The following SPIRE2 variants were observed in gnomAD, a reference collection of about 807,000 sequenced individuals.
SPIRE2 encodes protein spire homolog 2.
In SPIRE2, 76 loss-of-function variants were observed where a neutral mutation model predicts 80.7. That is an observed-to-expected ratio of 0.94 (90% CI 0.78 to 1.14). The LOEUF is 1.14. Among genes scored for constraint, SPIRE2 ranks in the 50% most tolerant of loss-of-function variants. The pLI is 0.00. For synonymous variants in SPIRE2, 535 were observed against 432.6 expected (o/e 1.24, Z -2.94); for missense variants, 1,196 against 1,015.3 (o/e 1.18, Z -2.42).
At chr16:89,851,715 C>A (rs999765521) in intron 3 of SPIRE2, among the ~76,000 whole-genome samples, 19 of 152,128 alleles carry the variant, frequency 1.2e-4, no homozygotes, top group African/African-American at 4.6e-4. Flanking sequence ...GGTCTCTGCA[C>A]ACATGGGCTC....
intron 1 of SPIRE2, among the ~76,000 whole-genome samples, chr16:89,838,370 G>T (rs1218877831): frequency 1.3e-5 from 2 of 152,010 alleles, no homozygotes; most frequent in African/African-American, 4.8e-5. Context: ...TTTTAGTAGA[G>T]ATGGGGTTTC....
Position 89,863,365 on chromosome 16 carries a change from G to T in SPIRE2, c.1576-111G>T. 1 of 1,222,410 alleles carries T rather than the reference G, an allele frequency of 8.2e-7. No homozygotes were observed. The allele number at this position is 1,222,410 out of a possible 1,614,324, so 75.7% of individuals were successfully genotyped here. A position where few individuals can be genotyped will look rare whatever the true frequency, so the allele number is the denominator to read the frequency against. ...TGGCTGATGGACAGCGTTTTAGAAG[G>T]TCGCAGGCTTGTTTAGGCTGAGGCC... is the stretch of plus-strand genomic sequence containing the variant. On this transcript the variant is annotated intron_variant, in intron 10 of 14. Transcript: ENST00000378247. This position sits in a 1 kb window ranked among gnomAD's most constrained non-coding sequence, Gnocchi z 4.3.
At chr16:89,867,276 T>C (rs1203495478) in intron 12 of SPIRE2, among the ~76,000 whole-genome samples, 1 of 151,686 alleles carries the variant, frequency 6.6e-6, no homozygotes, top group African/African-American at 2.4e-5. Flanking sequence ...CCCGAGTAGC[T>C]GGGATTACAG....
Position 89,854,386 on chromosome 16 carries a change from G to T in SPIRE2, c.726+20G>T, listed in dbSNP as rs752486753. The T allele has an allele frequency of 1.2e-6, 2 of 1,611,790 alleles. No homozygotes were observed. Among genetic ancestry groups the T allele is most frequent in the Non-Finnish European group, 1.7e-6 (2 of 1,179,510 alleles). On this transcript the variant is annotated intron_variant, in intron 4 of 14. Coordinates refer to ENST00000378247, the MANE Select transcript of SPIRE2 (RefSeq NM_032451.2). ...GACTGGGTAAGGCTCACTCCCACCTGACCGGGCCACTGACGCGGCCCAGCC... is the reference window on the plus strand; with the variant it reads ...GACTGGGTAAGGCTCACTCCCACCTTACCGGGCCACTGACGCGGCCCAGCC...
chr16:89,854,720 A>T, intron 5 of SPIRE2, 69 bp downstream of exon 5: 1 of 1,467,300 alleles, frequency 6.8e-7, no homozygotes, highest in Non-Finnish European at 9.3e-7. Context: ...GACGCAGATG[A>T]GCAGCCTGGA....
chr16:89,832,559 G>T (rs576838875), intron 1 of SPIRE2, among the ~76,000 whole-genome samples: 1 of 152,170 alleles, frequency 6.6e-6, no homozygotes, highest in Admixed American at 6.5e-5. Flanking sequence ...TCTGTTAGCA[G>T]CTTCCTGACT....
Position 89,854,298 on chromosome 16 carries a change from C to T in SPIRE2, c.658C>T (p.Leu220Phe). The T allele has an allele frequency of 6.2e-7, 1 of 1,612,050 alleles. No individual in the cohort carries two copies. Among genetic ancestry groups the T allele is most frequent in the Non-Finnish European group, 8.5e-7 (1 of 1,179,638 alleles). Residue 220 changes from leucine (L) to phenylalanine (F), a missense_variant, in exon 4 of 15, where the codon CTT (leucine) becomes TTT (phenylalanine). By Grantham distance (22) the Leu-to-Phe change is conservative (BLOSUM62 0). Coordinates refer to ENST00000378247, the MANE Select transcript of SPIRE2 (RefSeq NM_032451.2). ...VREAKEMLQK[L>F]REDEPHLETP... ...CGTGTGGTCACAGATGCTGCAGAAGCTTCGGGAGGACGAGCCGCATCTGGA... is the reference window on the plus strand; with the variant it reads ...CGTGTGGTCACAGATGCTGCAGAAGTTTCGGGAGGACGAGCCGCATCTGGA...
chr16:89,830,591 C>G (rs2041369801), intron 1 of SPIRE2, among the ~76,000 whole-genome samples: 3 of 151,178 alleles, frequency 2.0e-5, no homozygotes, highest in East Asian at 1.9e-4. Flanking sequence ...TTATTTCTCC[C>G]TGTAGATATC....
At chr16:89,835,457 A>G (rs544225080) in intron 1 of SPIRE2, among the ~76,000 whole-genome samples, 211 of 152,284 alleles carry the variant, frequency 1.4e-3, no homozygotes, top group African/African-American at 4.9e-3. Flanking sequence ...TCTGCCCCAG[A>G]TAGGAAAGAA....
intron 12 of SPIRE2, among the ~76,000 whole-genome samples, chr16:89,865,697 C>T (rs1002215331): frequency 2.0e-5 from 3 of 152,084 alleles, no homozygotes; most frequent in African/African-American, 4.8e-5. Flanking sequence ...GGGCCGGGCG[C>T]GGTGGCTCAC....
At chr16:89,853,945 G>A (rs2041662033) in intron 3 of SPIRE2, among the ~76,000 whole-genome samples, 1 of 152,242 alleles carries the variant, frequency 6.6e-6, no homozygotes, top group African/African-American at 2.4e-5. Flanking sequence ...ACACTGCGCT[G>A]AGCCCCAGAC....
At position 89,850,261 on chromosome 16, in the gene SPIRE2, C is replaced by G. The variant is rs755201300; in HGVS notation, c.289-43C>G. On this transcript the variant is annotated intron_variant, in intron 2 of 14. Coordinates refer to ENST00000378247, the MANE Select transcript of SPIRE2 (RefSeq NM_032451.2). ...CACCAGCCGCGTTCTCCCCGCCCCA[C>G]CCCCCTGCAGTACCGCCCAGTGACC... 1.9e-6 allele frequency: 3 copies of G among 1,556,578 alleles called. No individual in the cohort carries two copies. In the Admixed American group the frequency reaches 5.1e-5, roughly 26 times the overall value.
rs1398340916 is a variant in SPIRE2, at chr16:89,850,589, G to T, written c.574G>T (p.Val192Leu). ...GGGCGCACAGGCGCATTACCAGGCCGTGTGCCGCGCGCTCTTCGTGGAGAC... is the reference window on the plus strand; with the variant it reads ...GGGCGCACAGGCGCATTACCAGGCCTTGTGCCGCGCGCTCTTCGTGGAGAC... ...PRGAQAHYQA[V>L]CRALFVETLE... The change falls in exon 3 of 15, where the codon GTG (valine) becomes TTG (leucine). Residue 192 changes from valine (V) to leucine (L), a missense_variant. Coordinates refer to ENST00000378247, the MANE Select transcript of SPIRE2 (RefSeq NM_032451.2). The T allele has an allele frequency of 2.6e-6, 4 of 1,518,388 alleles. No homozygotes were observed. The highest frequency in any genetic ancestry group is 1.4e-5 in the African/African-American group (1 of 72,196). 94.1% of individuals were successfully genotyped at this position (1,518,388 alleles called of 1,614,324 possible). A position where few individuals can be genotyped will look rare whatever the true frequency, so the allele number is the denominator to read the frequency against.
chr16:89,854,085 G>A (rs2041663853), intron 3 of SPIRE2, among the ~76,000 whole-genome samples: 1 of 152,274 alleles, frequency 6.6e-6, no homozygotes, highest in African/African-American at 2.4e-5. Context: ...CTCCACACCT[G>A]TGTCCGCCGC....
intron 3 of SPIRE2, among the ~76,000 whole-genome samples, chr16:89,852,995 A>G (rs11643259): frequency 0.48 from 19,682 of 40,678 alleles, 6,102 homozygotes; most frequent in East Asian, 0.94. Flanking sequence ...CCCGTCTTCC[A>G]TCCTCCCTCT....
chr16:89,854,380 C>T lies in SPIRE2; in HGVS notation c.726+14C>T. The T allele has an allele frequency of 1.2e-6, 2 of 1,611,908 alleles. No homozygotes were observed. The highest frequency in any genetic ancestry group is 1.7e-6 in the Non-Finnish European group (2 of 1,179,550). On this transcript the variant is annotated intron_variant, in intron 4 of 14. Coordinates refer to ENST00000378247, the MANE Select transcript of SPIRE2 (RefSeq NM_032451.2). ...CACACAGACTGGGTAAGGCTCACTC[C>T]CACCTGACCGGGCCACTGACGCGGC... is the stretch of plus-strand genomic sequence containing the variant.
intron 1 of SPIRE2, among the ~76,000 whole-genome samples, chr16:89,839,658 T>TA (rs913876162): frequency 6.6e-6 from 1 of 152,216 alleles, no homozygotes; most frequent in African/African-American, 2.4e-5. Context: ...AGTCAGCGTT[T>TA]AAGCAGCGGC....
intron 2 of SPIRE2, among the ~76,000 whole-genome samples, chr16:89,848,794 G>A (rs2041590764): frequency 6.7e-6 from 1 of 148,886 alleles, no homozygotes. Context: ...CTTCTGTGGT[G>A]TTTCTGCAGG....
intron 7 of SPIRE2, among the ~76,000 whole-genome samples, chr16:89,856,982 C>T (rs904910500): frequency 6.8e-6 from 1 of 147,048 alleles, no homozygotes; most frequent in African/African-American, 2.5e-5. Context: ...GGGAGGATTG[C>T]TTGAACCTGA....
Sources: allele counts gnomAD v4.1 joint callset (sites outside exome capture counted in the v4.1 genomes callset), GRCh38; gene constraint gnomAD v4.1.1; non-coding constraint Gnocchi (gnomAD v3.1); transcripts MANE v1.5; gene names NCBI Gene and HGNC (gene_info 2026-07-23, HGNC 2026-07-21).